SHANK2: variants seen among roughly 807,000 people sequenced by gnomAD.
SHANK2 encodes the protein SH3 and multiple ankyrin repeat domains 2.
Under a neutral mutation model 133.7 loss-of-function variants are expected in SHANK2, and 43 were observed. The ratio of observed to expected loss-of-function variants is 0.32; its 90% CI spans 0.25 to 0.41. SHANK2 has a LOEUF of 0.41. Among genes scored for constraint, SHANK2 ranks in the 10% least tolerant of loss-of-function variants. The pLI is 1.00. For missense variants in SHANK2, 1,994 were observed against 2,235.8 expected (o/e 0.89, Z 2.18); for synonymous variants, 1,017 against 952.8 (o/e 1.07, Z -1.24).
intron 3 of SHANK2, among the ~76,000 whole-genome samples, chr11:71,141,057 A>G (rs1284261278): frequency 6.6e-6 from 1 of 152,222 alleles, no homozygotes; most frequent in Non-Finnish European, 1.5e-5. Flanking sequence ...AGTGGGATTA[A>G]GCATAAACCC....
At chr11:70,792,510 T>A (rs1177322993) in intron 14 of SHANK2, among the ~76,000 whole-genome samples, 1 of 152,212 alleles carries the variant, frequency 6.6e-6, no homozygotes, top group Non-Finnish European at 1.5e-5. Flanking sequence ...CATGAGGCTA[T>A]GAGAATTCAC....
At chr11:70,856,912 C>T (rs1158397570) in intron 11 of SHANK2, among the ~76,000 whole-genome samples, 1 of 152,188 alleles carries the variant, frequency 6.6e-6, no homozygotes, top group Admixed American at 6.5e-5. Context: ...GGATACACAC[C>T]AGATGGACAC....
intron 6 of SHANK2, among the ~76,000 whole-genome samples, chr11:71,097,059 G>A (rs1951628305): frequency 6.6e-6 from 1 of 152,190 alleles, no homozygotes. Context: ...GTGCAGGATG[G>A]GGAGCTATGT....
At position 70,485,546 on chromosome 11, in the gene SHANK2, G is replaced by C. The variant is rs1421730609; in HGVS notation, c.4747C>G (p.Pro1583Ala). 1 of 1,612,928 alleles carries C rather than the reference G, an allele frequency of 6.2e-7. No individual in the cohort carries two copies. The highest frequency in any genetic ancestry group is 1.7e-5 in the Admixed American group (1 of 60,030). ...DSFVIPPPAP[P>A]PPPGSAQPGM... ...GGCTGGGCACTGCCCGGCGGGGGCG[G>C]GGGAGCGGGCGGGGGGATAACAAAG... The change falls in exon 25 of 26, where the codon CCG (proline) becomes GCG (alanine). Residue 1583 changes from proline (P) to alanine (A), a missense_variant. Transcript: ENST00000601538. This position sits in a 1 kb window ranked among gnomAD's most constrained non-coding sequence, Gnocchi z 5.8.
chr11:70,482,229 G>A (rs2058744682), intron 25 of SHANK2, among the ~76,000 whole-genome samples: 2 of 152,226 alleles, frequency 1.3e-5, no homozygotes, highest in South Asian at 4.1e-4. Flanking sequence ...AGCAAGAAGG[G>A]AACAGACATG....
chr11:70,784,887 C>G (rs777817856), intron 14 of SHANK2, among the ~76,000 whole-genome samples: 13 of 152,260 alleles, frequency 8.5e-5, no homozygotes, highest in Non-Finnish European at 1.5e-4. Flanking sequence ...GGCTGCTGTC[C>G]TGCCTCCCAT....
intron 11 of SHANK2, among the ~76,000 whole-genome samples, chr11:70,889,114 G>T (rs625488): frequency 6.6e-6 from 1 of 152,206 alleles, no homozygotes; most frequent in Non-Finnish European, 1.5e-5. Flanking sequence ...TGGAAACAGG[G>T]TCTTTTCAGG....
intron 17 of SHANK2, among the ~76,000 whole-genome samples, chr11:70,625,944 G>A (rs555588799): frequency 3.9e-5 from 6 of 152,088 alleles, no homozygotes; most frequent in African/African-American, 1.2e-4. Context: ...GTGGGACCTG[G>A]AGTATTAATC....
chr11:71,155,492 A>C (rs1439885459), intron 2 of SHANK2, among the ~76,000 whole-genome samples: 8 of 151,594 alleles, frequency 5.3e-5, no homozygotes, highest in Non-Finnish European at 1.0e-4. Context: ...GGAGGGATGG[A>C]CCTGCCCCTC....
At chr11:70,826,878 C>A in intron 11 of SHANK2, 1 of 198,404 alleles carries the variant, frequency 5.0e-6, no homozygotes, top group Non-Finnish European at 1.0e-5. Context: ...AGCTGGGAGA[C>A]GCCGGGAGGC....
At chr11:70,911,447 C>T (rs1590824185) in intron 10 of SHANK2, among the ~76,000 whole-genome samples, 2 of 152,166 alleles carry the variant, frequency 1.3e-5, no homozygotes, top group East Asian at 3.9e-4. Context: ...CTAGTTACTC[C>T]ACATTCTCAC....
intron 3 of SHANK2, among the ~76,000 whole-genome samples, chr11:71,139,715 T>C (rs1555105432): frequency 6.6e-6 from 1 of 152,112 alleles, no homozygotes; most frequent in African/African-American, 2.4e-5. Context: ...GCAGAGAGGC[T>C]GCCCTCCCTG....
intron 25 of SHANK2, among the ~76,000 whole-genome samples, chr11:70,481,706 G>A (rs192109979): frequency 2.6e-5 from 4 of 152,246 alleles, no homozygotes; most frequent in Admixed American, 1.3e-4. Context: ...ATCCAATTTC[G>A]TGCCTCATTT....
At chr11:70,744,625 C>T (rs992543639) in intron 14 of SHANK2, among the ~76,000 whole-genome samples, 44 of 152,228 alleles carry the variant, frequency 2.9e-4, no homozygotes, top group Non-Finnish European at 5.9e-4. Flanking sequence ...CCACTGCCCA[C>T]CTGGCTGTGC....
intron 14 of SHANK2, among the ~76,000 whole-genome samples, chr11:70,722,301 G>C (rs1295810895): frequency 2.0e-5 from 3 of 152,228 alleles, no homozygotes; most frequent in Non-Finnish European, 4.4e-5. Context: ...TGGCCACTGA[G>C]GAATGTCAAT....
chr11:70,487,128 G>T lies in SHANK2; in HGVS notation c.3165C>A (p.Ile1055=). The change falls in exon 25 of 26, where the codon ATC becomes ATA. Residue 1055 remains isoleucine, a synonymous_variant. Transcript: ENST00000601538. The surrounding 1 kb of genome is among the most constrained non-coding windows in gnomAD (Gnocchi z 5.8). ...GKSSQGSSME[I]DPQAPEPPSQ... ...TCGGTGGCTCCGGGGCCTGGGGGTC[G>T]ATCTCCATGCTGCTGCCCTGGCTGC... 1.2e-6 allele frequency: 2 copies of T among 1,612,154 alleles called. No individual in the cohort carries two copies. The highest frequency in any genetic ancestry group is 8.5e-7 in the Non-Finnish European group (1 of 1,180,006).
At chr11:70,768,806 G>A (rs576002705) in intron 14 of SHANK2, among the ~76,000 whole-genome samples, 17 of 152,240 alleles carry the variant, frequency 1.1e-4, no homozygotes, top group Middle Eastern at 3.4e-3. Flanking sequence ...CAAGGACTTG[G>A]CTGCTGAGGC....
intron 14 of SHANK2, among the ~76,000 whole-genome samples, chr11:70,775,992 G>A (rs1252160158): frequency 6.6e-6 from 1 of 152,224 alleles, no homozygotes; most frequent in Non-Finnish European, 1.5e-5. Flanking sequence ...TGCAGCGGGG[G>A]CAGGGGTGGC....
intron 14 of SHANK2, among the ~76,000 whole-genome samples, chr11:70,749,886 G>A (rs911197776): frequency 3.9e-5 from 6 of 152,094 alleles, no homozygotes; most frequent in African/African-American, 1.2e-4. Flanking sequence ...TCTAAGGATT[G>A]GATAATCACA....
Sources: allele counts gnomAD v4.1 joint callset (sites outside exome capture counted in the v4.1 genomes callset), GRCh38; gene constraint gnomAD v4.1.1; non-coding constraint Gnocchi (gnomAD v3.1); transcripts MANE v1.5; gene names NCBI Gene and HGNC (gene_info 2026-07-23, HGNC 2026-07-21).